ZNF808: variants seen among roughly 807,000 people sequenced by gnomAD.
The protein encoded by ZNF808 is zinc finger protein 808.
In ZNF808, 5 loss-of-function variants were observed where a neutral mutation model predicts 8.7. That is an observed-to-expected ratio of 0.58 (90% CI 0.30 to 1.21). The LOEUF (loss-of-function observed/expected upper bound fraction) is 1.21, where lower values mean the gene tolerates loss of function less well. Among genes scored for constraint, ZNF808 ranks in the 50% most tolerant of loss-of-function variants. The pLI, the probability that ZNF808 is intolerant of heterozygous loss-of-function variation, is 0.07. For synonymous variants in ZNF808, 380 were observed against 366.0 expected, an observed-to-expected ratio of 1.04 and a Z score of -0.44; for missense variants, 1,103 against 1,098.4, an observed-to-expected ratio of 1.00 and a Z score of -0.06.
At chr19:52,541,506 A>G (rs901561362) in intron 2 of ZNF808, among the ~76,000 whole-genome samples, 14 of 151,950 alleles carry the variant, frequency 9.2e-5, no homozygotes, top group African/African-American at 2.4e-4. Flanking sequence ...AATGTCTCCC[A>G]CTGTGAGCCT....
At chr19:52,559,630 C>T (rs1397649711), downstream of ZNF808, among the ~76,000 whole-genome samples, 3 of 152,136 alleles carry the variant, frequency 2.0e-5, no homozygotes, top group Admixed American at 2.0e-4. Flanking sequence ...CGAGAAATGC[C>T]CACAGGTGTG....
chr19:52,535,468 C>T (rs959696961), intron 2 of ZNF808, among the ~76,000 whole-genome samples: 1 of 152,168 alleles, frequency 6.6e-6, no homozygotes, highest in Admixed American at 6.5e-5. Flanking sequence ...TCTCCCGCCG[C>T]TGCTTCCTGA....
intron 4 of ZNF808, among the ~76,000 whole-genome samples, chr19:52,552,136 G>A (rs1325362275): frequency 1.3e-5 from 2 of 151,570 alleles, no homozygotes; most frequent in Non-Finnish European, 2.9e-5. Flanking sequence ...TCCTGCCACA[G>A]CCTCCCGAGT....
At chr19:52,543,736 ATG>A (rs1406956298) in intron 3 of ZNF808, among the ~76,000 whole-genome samples, 1 of 152,168 alleles carries the variant, frequency 6.6e-6, no homozygotes, top group East Asian at 1.9e-4. Flanking sequence ...ATGTGCGCAG[ATG>A]TGTGGTAAAT....
At chr19:52,543,208 G>A in intron 2 of ZNF808, 58 bp from the exon 3 acceptor site, 1 of 1,565,622 alleles carries the variant, frequency 6.4e-7, no homozygotes, top group Non-Finnish European at 8.7e-7. Context: ...ATGTGGTTTT[G>A]TCACAGGAAG....
At chr19:52,549,863 T>C (rs1423825485) in intron 4 of ZNF808, among the ~76,000 whole-genome samples, 1 of 152,130 alleles carries the variant, frequency 6.6e-6, no homozygotes, top group East Asian at 1.9e-4. Flanking sequence ...ACCTTGTTCA[T>C]CCACTGGACA....
chr19:52,562,307 G>A (rs1261832321), intron 3 of ZNF808, among the ~76,000 whole-genome samples: 1 of 152,156 alleles, frequency 6.6e-6, no homozygotes, highest in Admixed American at 6.5e-5. Flanking sequence ...GATCCCTGGA[G>A]GTGGAGGTTG....
chr19:52,537,548 C>G (rs946407520), intron 2 of ZNF808, among the ~76,000 whole-genome samples: 2 of 152,050 alleles, frequency 1.3e-5, no homozygotes, highest in African/African-American at 4.8e-5. Flanking sequence ...ATTAACGGGG[C>G]ATGATAGTGT....
Position 52,556,106 on chromosome 19 carries a change from C to G in ZNF808, c.*478C>G, listed in dbSNP as rs1392287395. ...GACATTGGAGTCAATTCAGCATTGACTTGAGTTTGTGTTGACTTAACATTG... is the reference window on the plus strand; with the variant it reads ...GACATTGGAGTCAATTCAGCATTGAGTTGAGTTTGTGTTGACTTAACATTG... On this transcript the variant is annotated 3_prime_UTR_variant, in exon 5 of 5. Coordinates refer to ENST00000359798, the MANE Select transcript of ZNF808 (RefSeq NM_001039886.4). The G allele has an allele frequency of 2.5e-6, 1 of 407,950 alleles. No homozygotes were observed. Among genetic ancestry groups the G allele is most frequent in the Non-Finnish European group, 4.9e-6 (1 of 202,630 alleles). 25.3% of individuals were successfully genotyped at this position (407,950 alleles called of 1,614,324 possible). A position where few individuals can be genotyped will look rare whatever the true frequency, so the allele number is the denominator to read the frequency against.
At chr19:52,548,149 A>G (rs924709185) in intron 4 of ZNF808, among the ~76,000 whole-genome samples, 2 of 152,272 alleles carry the variant, frequency 1.3e-5, no homozygotes, top group African/African-American at 2.4e-5. Flanking sequence ...TGGTGTTGCA[A>G]TTCCTCCCAG....
At chr19:52,568,391 A>G (rs151337374), downstream of ZNF808, among the ~76,000 whole-genome samples, 366 of 152,302 alleles carry the variant, frequency 2.4e-3, 1 homozygote, top group Non-Finnish European at 3.7e-3. Flanking sequence ...AACAAAACAA[A>G]ACAAAATGTG....
rs145910940 is a variant in ZNF808, at chr19:52,561,616, C to T, written c.*423-1702C>T. 3.4e-3 allele frequency among the ~76,000 whole-genome samples: 515 copies of T among 151,288 alleles called. 3 individuals carry two copies. The highest frequency in any genetic ancestry group is 0.012 in the African/African-American group (479 of 41,184). On this transcript the variant is annotated intron_variant and NMD_transcript_variant, in intron 3 of 3. Transcript: ENST00000487863. ...AGGCTGGAGTGCAATGGCGCAATCT[C>T]GGCTCACCGCAACCTCTGCCTCCCA...
chr19:52,552,543 G>T, intron 4 of ZNF808, among the ~76,000 whole-genome samples: 1 of 151,644 alleles, frequency 6.6e-6, no homozygotes. Flanking sequence ...CTCCTAAGTA[G>T]CTGTGACTAC....
At chr19:52,539,206 AT>A (rs899553873) in intron 2 of ZNF808, among the ~76,000 whole-genome samples, 16 of 61,664 alleles carry the variant, frequency 2.6e-4, no homozygotes, top group Non-Finnish European at 5.0e-4. Flanking sequence ...TTTTTTTTTA[AT>A]TTTTGAGATG....
At chr19:52,550,249 A>C (rs1185286488) in intron 4 of ZNF808, among the ~76,000 whole-genome samples, 1 of 148,474 alleles carries the variant, frequency 6.7e-6, no homozygotes, top group African/African-American at 2.5e-5. Flanking sequence ...TTTGTTTTTG[A>C]GATGGAGTTT....
rs747195586 is a variant in ZNF808, at chr19:52,554,059, G to T, written c.1143G>T (p.Ala381=). Residue 381 remains alanine (A), a synonymous_variant, in exon 5 of 5, where the codon GCG becomes GCT. Transcript: ENST00000359798. ...YKCKICEKAF[A]CHSYLANHTR... is the part of the protein sequence containing the mutation. ...GTAAGATTTGTGAGAAGGCTTTTGC[G>T]TGTCATTCCTATCTGGCAAACCATA... 19 of 1,614,000 alleles carry T rather than the reference G, an allele frequency of 1.2e-5. No individual in the cohort carries two copies. Among genetic ancestry groups the T allele is most frequent in the Non-Finnish European group, 1.6e-5 (19 of 1,179,978 alleles).
chr19:52,552,250 C>G (rs1202436202), intron 4 of ZNF808, among the ~76,000 whole-genome samples: 2 of 151,936 alleles, frequency 1.3e-5, no homozygotes, highest in East Asian at 1.9e-4. Context: ...ATCTCCTGAC[C>G]TTGTGATCCA....
intron 2 of ZNF808, among the ~76,000 whole-genome samples, chr19:52,540,926 A>G (rs1411285866): frequency 6.6e-6 from 1 of 152,124 alleles, no homozygotes; most frequent in East Asian, 1.9e-4. Context: ...GCTCAGGTAT[A>G]TAAGATGGTC....
downstream of ZNF808, among the ~76,000 whole-genome samples, chr19:52,560,348 G>A (rs75520365): frequency 0.013 from 1,937 of 151,778 alleles, 43 homozygotes; most frequent in African/African-American, 0.044. Context: ...ATTAAAAAAC[G>A]TCATAATTAT....
Sources: gnomAD v4.1 joint callset for allele counts (sites outside exome capture counted in the v4.1 genomes callset) on GRCh38, gnomAD v4.1.1 for gene constraint, MANE v1.5 for transcripts, NCBI Gene and HGNC (gene_info 2026-07-23, HGNC 2026-07-21) for gene names.